Variants in TMEM68 observed in about 807,000 individuals in gnomAD.
The protein encoded by TMEM68 is transmembrane protein 68.
A neutral mutation model predicts 36.9 loss-of-function variants in TMEM68; 25 were observed. The ratio of observed to expected loss-of-function variants is 0.68; its 90% CI spans 0.49 to 0.95. The LOEUF (loss-of-function observed/expected upper bound fraction) is 0.95. TMEM68 is among the 40% of genes least tolerant of loss of function. The pLI is 0.00. For synonymous variants in TMEM68, 131 were observed against 124.4 expected, an observed-to-expected ratio of 1.05 and a Z score of -0.35; for missense variants, 333 against 392.0, an observed-to-expected ratio of 0.85 and a Z score of 1.27.
In TMEM68 at chr8:55,745,048, A is replaced by G. The variant is rs1202320252; in HGVS notation, c.748+13T>C. 3 of 1,478,474 alleles carry G rather than the reference A, an allele frequency of 2.0e-6. No individual in the cohort carries two copies. Among genetic ancestry groups the G allele is most frequent in the Non-Finnish European group, 2.7e-6 (3 of 1,115,566 alleles). The allele number at this position is 1,478,474 out of a possible 1,614,324, so 91.6% of individuals were successfully genotyped here. On this transcript the variant is annotated intron_variant, in intron 6 of 7. Coordinates refer to ENST00000434581, the MANE Select transcript of TMEM68 (RefSeq NM_001286657.2). ...TTACATTGTAATTTAAAACCATACAAATCAGAACTTACTTGTTCCTCCAAG... is the reference window on the plus strand; with the variant it reads ...TTACATTGTAATTTAAAACCATACAGATCAGAACTTACTTGTTCCTCCAAG...
At chr8:55,757,796 C>G (rs543056582) in intron 3 of TMEM68, among the ~76,000 whole-genome samples, 1 of 152,142 alleles carries the variant, frequency 6.6e-6, no homozygotes, top group African/African-American at 2.4e-5. Flanking sequence ...GGCCCAGAGT[C>G]CTTAAGTGAC....
intron 4 of TMEM68, chr8:55,751,550 T>C (rs757535113): frequency 4.1e-5 from 18 of 441,486 alleles, no homozygotes; most frequent in South Asian, 2.4e-4. Context: ...ATTAACCCTA[T>C]AAAAAAGAGA....
At chr8:55,772,742 C>A (rs867194602) in intron 1 of TMEM68, among the ~76,000 whole-genome samples, 4 of 152,216 alleles carry the variant, frequency 2.6e-5, no homozygotes, top group Admixed American at 6.5e-5. Context: ...GTTGCCTGCC[C>A]AGGTCACAAG....
At chr8:55,768,829 G>C (rs970961918) in intron 1 of TMEM68, among the ~76,000 whole-genome samples, 6 of 151,624 alleles carry the variant, frequency 4.0e-5, no homozygotes, top group Non-Finnish European at 5.9e-5. Flanking sequence ...CTGGACAACA[G>C]AGTGAGACTC....
At chr8:55,740,252 T>C (rs1467031566) in intron 7 of TMEM68, 34 bp from the exon 8 acceptor site, 3 of 1,501,046 alleles carry the variant, frequency 2.0e-6, no homozygotes, top group Non-Finnish European at 2.8e-6. Context: ...CTATTGTTAG[T>C]AGATCTTAAT....
intron 7 of TMEM68, 93 bp downstream of exon 7, chr8:55,743,388 C>T (rs1310252057): frequency 7.1e-7 from 1 of 1,416,680 alleles, no homozygotes; most frequent in Non-Finnish European, 9.3e-7. Flanking sequence ...CCTAGACATG[C>T]TTGTAGAATA....
chr8:55,741,208 G>A (rs1455258163), intron 7 of TMEM68, among the ~76,000 whole-genome samples: 1 of 152,086 alleles, frequency 6.6e-6, no homozygotes, highest in Non-Finnish European at 1.5e-5. Context: ...CTGTAGCCTG[G>A]GCAACAAGAG....
rs111974534 is a variant in TMEM68, at chr8:55,770,262, G to C, written c.-115+3007C>G. Among the ~76,000 whole-genome samples, 892 of 152,086 alleles carry C rather than the reference G, an allele frequency of 5.9e-3. 6 individuals are homozygous for C. The highest frequency in any genetic ancestry group is 0.02 in the African/African-American group (837 of 41,486). ...TGATATATCTCTCTTTTTCTCTCTT[G>C]ACAGAAAGAAAATATTAAGATTGCA... is the stretch of plus-strand genomic sequence containing the variant. On this transcript the variant is annotated intron_variant, in intron 1 of 7. Coordinates refer to ENST00000434581, the MANE Select transcript of TMEM68 (RefSeq NM_001286657.2).
At chr8:55,767,710 G>A (rs1811015179) in intron 1 of TMEM68, among the ~76,000 whole-genome samples, 1 of 152,086 alleles carries the variant, frequency 6.6e-6, no homozygotes, top group African/African-American at 2.4e-5. Flanking sequence ...GGCCGAGGCG[G>A]GAGGATCACC....
chr8:55,750,775 T>C (rs1810408255), intron 5 of TMEM68, 189 bp downstream of exon 5: 1 of 524,790 alleles, frequency 1.9e-6, no homozygotes, highest in Non-Finnish European at 3.3e-6. Context: ...CCTGACCTCA[T>C]GATACATCCA....
intron 1 of TMEM68, among the ~76,000 whole-genome samples, chr8:55,767,495 G>A (rs1037370988): frequency 1.3e-5 from 2 of 152,130 alleles, no homozygotes; most frequent in African/African-American, 2.4e-5. Flanking sequence ...GTAGGCAGCC[G>A]GACATCAGCA....
chr8:55,771,499 C>T (rs1286729377), intron 1 of TMEM68, among the ~76,000 whole-genome samples: 1 of 151,994 alleles, frequency 6.6e-6, no homozygotes, highest in Non-Finnish European at 1.5e-5. Flanking sequence ...TGCCTGTAGC[C>T]CCAGCTACTC....
At chr8:55,742,584 G>C (rs1810136238) in intron 7 of TMEM68, among the ~76,000 whole-genome samples, 2 of 151,922 alleles carry the variant, frequency 1.3e-5, no homozygotes. Context: ...CTGTTGCCCA[G>C]GCTGGAGTGC....
At chr8:55,756,740 G>A (rs1281568347) in intron 3 of TMEM68, among the ~76,000 whole-genome samples, 5 of 152,154 alleles carry the variant, frequency 3.3e-5, no homozygotes, top group Non-Finnish European at 7.3e-5. Context: ...CTGCACAGAA[G>A]AGAGCCTATC....
intron 4 of TMEM68, among the ~76,000 whole-genome samples, chr8:55,753,515 A>G (rs924838940): frequency 2.6e-5 from 4 of 152,220 alleles, no homozygotes; most frequent in Admixed American, 6.5e-5. Context: ...GCCATAAACA[A>G]TATGTTTATA....
intron 1 of TMEM68, among the ~76,000 whole-genome samples, chr8:55,770,171 A>G (rs1429740958): frequency 6.6e-6 from 1 of 152,218 alleles, no homozygotes; most frequent in Non-Finnish European, 1.5e-5. Context: ...AATTCAGTAA[A>G]AGCCAAGAAC....
intron 4 of TMEM68, chr8:55,751,582 C>T (rs1283149089): frequency 4.8e-6 from 2 of 417,748 alleles, no homozygotes; most frequent in Non-Finnish European, 9.4e-6. Context: ...GAATGTGAAT[C>T]AAACTACGCT....
At chr8:55,750,203 G>T (rs1011285817) in intron 5 of TMEM68, among the ~76,000 whole-genome samples, 15 of 151,806 alleles carry the variant, frequency 9.9e-5, no homozygotes, top group Admixed American at 8.5e-4. Flanking sequence ...ATATCCTTTT[G>T]TATTCTATAT....
At position 55,763,009 on chromosome 8, in the gene TMEM68, G is replaced by A. The variant is rs752532772; in HGVS notation, c.-50C>T. 1.5e-5 allele frequency: 23 copies of A among 1,526,808 alleles called. No individual in the cohort carries two copies. The Admixed American group carries it at 1.8e-4, about 12-fold the overall frequency. 94.6% of individuals were successfully genotyped at this position (1,526,808 alleles called of 1,614,324 possible). ...TTCAGTTTCTTTCTTCATTGCCATA[G>A]CAGGTCGCTAATTTTGACACTAGAA... is the stretch of plus-strand genomic sequence containing the variant. On this transcript the variant is annotated 5_prime_UTR_variant, in exon 3 of 8. Coordinates refer to ENST00000434581, the MANE Select transcript of TMEM68 (RefSeq NM_001286657.2).
Sources: allele counts gnomAD v4.1 joint callset (sites outside exome capture counted in the v4.1 genomes callset), GRCh38; gene constraint gnomAD v4.1.1; transcripts MANE v1.5; gene names NCBI Gene and HGNC (gene_info 2026-07-23, HGNC 2026-07-21).